PRKG1: variants seen among roughly 807,000 people sequenced by gnomAD.
PRKG1 encodes protein kinase cGMP-dependent 1.
In PRKG1, 35 loss-of-function variants were observed where a neutral mutation model predicts 88.1. That is an observed-to-expected ratio of 0.40 (90% CI 0.30 to 0.53). The LOEUF (loss-of-function observed/expected upper bound fraction) is 0.53. Ranked by LOEUF, PRKG1 falls within the 20% of genes least tolerant of loss-of-function variation. The pLI, the probability that PRKG1 is intolerant of heterozygous loss-of-function variation, is 0.59. For missense variants in PRKG1, 540 were observed against 839.8 expected (o/e 0.64, Z 4.41); for synonymous variants, 303 against 292.5 (o/e 1.04, Z -0.37).
intron 2 of PRKG1, among the ~76,000 whole-genome samples, chr10:51,283,623 A>C (rs1840358645): frequency 6.6e-6 from 1 of 152,174 alleles, no homozygotes; most frequent in African/African-American, 2.4e-5. Flanking sequence ...TGGAGGGGGT[A>C]CCTCAGTTGA....
At chr10:51,911,806 G>T (rs994721804) in intron 5 of PRKG1, among the ~76,000 whole-genome samples, 1 of 152,160 alleles carries the variant, frequency 6.6e-6, no homozygotes, top group Non-Finnish European at 1.5e-5. Flanking sequence ...TAATAATTGA[G>T]CTGTCTATCT....
chr10:51,448,282 A>G (rs1839333034), intron 2 of PRKG1, among the ~76,000 whole-genome samples: 1 of 151,924 alleles, frequency 6.6e-6, no homozygotes, highest in Non-Finnish European at 1.5e-5. Context: ...AAATAAACAA[A>G]AAAACTTTCA....
chr10:51,586,041 G>A (rs1336649657), intron 3 of PRKG1, among the ~76,000 whole-genome samples: 2 of 152,052 alleles, frequency 1.3e-5, no homozygotes, highest in Non-Finnish European at 2.9e-5. Context: ...TCACTAGCTG[G>A]GTGACAGGAT....
chr10:51,775,246 G>A (rs903330567), intron 3 of PRKG1, among the ~76,000 whole-genome samples: 9 of 152,176 alleles, frequency 5.9e-5, no homozygotes, highest in East Asian at 1.9e-4. Context: ...AATTTATCTT[G>A]TAGTAACTGG....
intron 7 of PRKG1, among the ~76,000 whole-genome samples, chr10:52,122,936 C>T (rs1231045945): frequency 1.3e-5 from 2 of 152,122 alleles, no homozygotes; most frequent in African/African-American, 4.8e-5. Context: ...AAAGGAAACA[C>T]AACAGAAAAA....
At position 51,697,636 on chromosome 10, in the gene PRKG1, G is replaced by C. The variant is rs140943180; in HGVS notation, c.593-106949G>C. The C allele has an allele frequency of 5.8e-4, 881 of 1,519,068 alleles. 5 individuals are homozygous for C. The African/African-American group carries it at 0.011, about 19-fold the overall frequency. 94.1% of individuals were successfully genotyped at this position (1,519,068 alleles called of 1,614,324 possible). A position where few individuals can be genotyped will look rare whatever the true frequency, so the allele number is the denominator to read the frequency against. ...GTGGGGATACAGAAGTCAGCTTTTT[G>C]CACCCATTCTCCATGCTACAGAATA... On this transcript the variant is annotated intron_variant, in intron 3 of 17. Transcript: ENST00000373980.
intron 3 of PRKG1, among the ~76,000 whole-genome samples, chr10:51,554,420 T>TAG (rs1837255209): frequency 9.5e-6 from 1 of 104,998 alleles, no homozygotes; most frequent in African/African-American, 4.3e-5. Context: ...TGTATATTTA[T>TAG]CGTGTGTGTG....
chr10:51,147,692 A>G (rs773839810), intron 1 of PRKG1, among the ~76,000 whole-genome samples: 5 of 152,224 alleles, frequency 3.3e-5, no homozygotes, highest in Non-Finnish European at 7.4e-5. Context: ...CCAAATAACT[A>G]TGTCGCTAAC....
intron 4 of PRKG1, among the ~76,000 whole-genome samples, chr10:51,821,646 C>T (rs1370083752): frequency 2.0e-5 from 3 of 151,884 alleles, no homozygotes; most frequent in Non-Finnish European, 4.4e-5. Flanking sequence ...AGCACATTGA[C>T]CTATATATAT....
intron 4 of PRKG1, among the ~76,000 whole-genome samples, chr10:51,856,295 T>G (rs1026164861): frequency 6.6e-6 from 1 of 152,212 alleles, no homozygotes; most frequent in African/African-American, 2.4e-5. Context: ...CATGGACATC[T>G]TTGGGAGGCC....
intron 16 of PRKG1, 48 bp downstream of exon 16, chr10:52,289,041 A>G (rs779395049): frequency 1.3e-6 from 2 of 1,525,818 alleles, no homozygotes; most frequent in East Asian, 2.3e-5. Flanking sequence ...TCATTTCCCC[A>G]GGGTGTTGCT....
intron 3 of PRKG1, among the ~76,000 whole-genome samples, chr10:51,487,768 G>A (rs749121479): frequency 2.0e-5 from 3 of 152,114 alleles, no homozygotes; most frequent in Non-Finnish European, 2.9e-5. Context: ...ATTCCTGAGA[G>A]CATATATCTG....
chr10:51,969,774 A>G (rs1843659285), intron 5 of PRKG1, among the ~76,000 whole-genome samples: 1 of 152,020 alleles, frequency 6.6e-6, no homozygotes, highest in Non-Finnish European at 1.5e-5. Context: ...CAACCAGTTT[A>G]TGACTAGGAT....
At chr10:51,287,469 G>A (rs190483707) in intron 2 of PRKG1, among the ~76,000 whole-genome samples, 114 of 152,298 alleles carry the variant, frequency 7.5e-4, no homozygotes, top group African/African-American at 2.5e-3. Flanking sequence ...ATCATGTCCT[G>A]GGGACAGAGC....
intron 3 of PRKG1, among the ~76,000 whole-genome samples, chr10:51,599,184 T>C (rs1838533913): frequency 6.6e-6 from 1 of 152,158 alleles, no homozygotes; most frequent in Non-Finnish European, 1.5e-5. Context: ...GATTTGGATT[T>C]GGTTACCCTC....
At chr10:52,202,609 C>G (rs971500436) in intron 9 of PRKG1, among the ~76,000 whole-genome samples, 2 of 151,920 alleles carry the variant, frequency 1.3e-5, no homozygotes, top group Non-Finnish European at 1.5e-5. Flanking sequence ...AGGAATGGTA[C>G]CACTTCTTCT....
At chr10:52,215,135 C>G (rs1481527733) in intron 9 of PRKG1, among the ~76,000 whole-genome samples, 1 of 151,718 alleles carries the variant, frequency 6.6e-6, no homozygotes, top group Non-Finnish European at 1.5e-5. Context: ...TGGCTCATGC[C>G]TGTAATCCCT....
intron 2 of PRKG1, among the ~76,000 whole-genome samples, chr10:51,408,948 T>G (rs1013412169): frequency 3.3e-5 from 5 of 152,200 alleles, no homozygotes; most frequent in African/African-American, 4.8e-5. Context: ...CTTCCCCAGA[T>G]TTCTTTGCCG....
intron 8 of PRKG1, among the ~76,000 whole-genome samples, chr10:52,150,221 G>A (rs1474775838): frequency 1.3e-5 from 2 of 150,704 alleles, no homozygotes; most frequent in African/African-American, 4.9e-5. Context: ...GAGAGAGAGA[G>A]AAAGCAGATA....
Sources: allele counts gnomAD v4.1 joint callset (sites outside exome capture counted in the v4.1 genomes callset), GRCh38; gene constraint gnomAD v4.1.1; transcripts MANE v1.5; gene names NCBI Gene and HGNC (gene_info 2026-07-23, HGNC 2026-07-21).